IFI27L1: variants seen among roughly 807,000 people sequenced by gnomAD.
IFI27L1 encodes interferon alpha-inducible protein 27-like protein 1.
IFI27L1 carries 3 observed loss-of-function variants against 9.2 expected under a neutral mutation model. The ratio of observed to expected loss-of-function variants is 0.32; its 90% CI spans 0.15 to 0.84. The LOEUF is 0.84. Among genes scored for constraint, IFI27L1 ranks in the 40% least tolerant of loss-of-function variants. The pLI, the probability that IFI27L1 is intolerant of heterozygous loss-of-function variation, is 0.56. For missense variants in IFI27L1, 133 were observed against 134.2 expected (o/e 0.99, Z 0.05); for synonymous variants, 53 against 50.0 (o/e 1.06, Z -0.26).
chr14:94,100,450 G>A, intron 2 of IFI27L1: 1 of 985,310 alleles, frequency 1.0e-6, no homozygotes, highest in Non-Finnish European at 1.2e-6. Flanking sequence ...AACTCAGGAG[G>A]CCCAGGCATG....
chr14:94,093,464 C>T (rs1226005727), intron 1 of IFI27L1, among the ~76,000 whole-genome samples: 1 of 152,188 alleles, frequency 6.6e-6, no homozygotes, highest in East Asian at 1.9e-4. Context: ...AGCCACAACG[C>T]CCGGCCCTGA....
intron 1 of IFI27L1, among the ~76,000 whole-genome samples, chr14:94,082,878 A>G (rs1886156945): frequency 1.3e-5 from 2 of 152,252 alleles, no homozygotes. Flanking sequence ...TGTGAACACA[A>G]GATCCATTCT....
intron 1 of IFI27L1, among the ~76,000 whole-genome samples, chr14:94,093,413 C>T (rs8006762): frequency 0.22 from 32,853 of 151,886 alleles, 4,063 homozygotes; most frequent in East Asian, 0.43. Flanking sequence ...CCTCGTGATC[C>T]GCCCGCCTCA....
At chr14:94,091,202 G>T (rs1360908644) in intron 1 of IFI27L1, among the ~76,000 whole-genome samples, 1 of 152,098 alleles carries the variant, frequency 6.6e-6, no homozygotes. Context: ...GCTGATTAAG[G>T]GTCACCTTTT....
chr14:94,097,694 C>G (rs757605798), intron 2 of IFI27L1: 1 of 702,196 alleles, frequency 1.4e-6, no homozygotes, highest in South Asian at 1.5e-5. Context: ...TAAGCATTCA[C>G]GGATAGATTG....
intron 1 of IFI27L1, chr14:94,088,282 G>A (rs150313230): frequency 7.7e-5 from 54 of 702,312 alleles, no homozygotes; most frequent in African/African-American, 5.9e-4. Context: ...CATTTCTTAC[G>A]TTACTATGCG....
intron 3 of IFI27L1, 107 bp from the exon 4 acceptor site, chr14:94,101,707 T>C (rs1408674010): frequency 7.6e-6 from 9 of 1,184,784 alleles, no homozygotes; most frequent in Admixed American, 4.1e-5. Context: ...GCTCAGTCTT[T>C]CCTGAGAGCA....
chr14:94,101,675 C>G (rs1302348682), intron 3 of IFI27L1, 139 bp from the exon 4 acceptor site: 3 of 780,896 alleles, frequency 3.8e-6, no homozygotes, highest in Non-Finnish European at 6.1e-6. Flanking sequence ...GTTGACTGCC[C>G]TTGTTTTGGG....
chr14:94,091,292 C>T (rs748442845), intron 1 of IFI27L1, among the ~76,000 whole-genome samples: 2 of 152,186 alleles, frequency 1.3e-5, no homozygotes, highest in Non-Finnish European at 2.9e-5. Flanking sequence ...CCACAATTGG[C>T]TAGAAATTGT....
Position 94,086,186 on chromosome 14 carries a change from C to T in IFI27L1, c.-52+4737C>T, listed in dbSNP as rs1214583327. ...CTGGTGGTTTAAAAGTGTGTGGCGC[C>T]TCCCCTCAATTCTCTCTGACTCTTG... On this transcript the variant is annotated intron_variant, in intron 1 of 4. Coordinates refer to ENST00000555523, the MANE Select transcript of IFI27L1 (RefSeq NM_206949.3). Among the ~76,000 whole-genome samples, 3 of 152,114 alleles carry T rather than the reference C, an allele frequency of 2.0e-5. No individual in the cohort carries two copies. The East Asian group carries it at 5.8e-4, about 29-fold the overall frequency.
chr14:94,086,742 A>G (rs918726565), intron 1 of IFI27L1, among the ~76,000 whole-genome samples: 1 of 152,334 alleles, frequency 6.6e-6, no homozygotes, highest in South Asian at 2.1e-4. Context: ...AAAGTGAGCA[A>G]TGGCTAGAGC....
At chr14:94,081,647 A>G (rs1886110909) in intron 1 of IFI27L1, among the ~76,000 whole-genome samples, 198 bp downstream of exon 1, 1 of 152,198 alleles carries the variant, frequency 6.6e-6, no homozygotes, top group Admixed American at 6.5e-5. Flanking sequence ...GAACGCGTCC[A>G]TCCTAGGTAC....
At chr14:94,099,211 G>T (rs1482469779) in intron 2 of IFI27L1, among the ~76,000 whole-genome samples, 1 of 152,210 alleles carries the variant, frequency 6.6e-6, no homozygotes, top group Non-Finnish European at 1.5e-5. Flanking sequence ...CGCACAAGTG[G>T]GGAGGCACAC....
intron 2 of IFI27L1, among the ~76,000 whole-genome samples, chr14:94,099,594 G>T (rs1361661809): frequency 6.6e-6 from 1 of 152,166 alleles, no homozygotes; most frequent in African/African-American, 2.4e-5. Flanking sequence ...GCGTGGCCTT[G>T]CTGACTCCTG....
At position 94,101,886 on chromosome 14, in the gene IFI27L1, C is replaced by T; in HGVS notation, c.134C>T (p.Ser45Phe). Residue 45 changes from serine (S) to phenylalanine (F), a missense_variant, in exon 4 of 5, where the codon TCC becomes TTC. Physicochemically the swap from Ser to Phe is radical, Grantham distance 155. Coordinates refer to ENST00000555523, the MANE Select transcript of IFI27L1 (RefSeq NM_206949.3). The stretch of plus-strand genomic sequence containing the variant: ...ACCTCAGTAGGAATCGCCGCATCCT[C>T]CATAGCAGCCAAGATGATGTCTACA... ...GFTSVGIAASSIAAKMMSTAA... is the reference protein window; with the variant it reads ...GFTSVGIAASFIAAKMMSTAA... 6.2e-7 allele frequency: 1 copy of T among 1,614,258 alleles called. No homozygotes were observed. Among genetic ancestry groups the T allele is most frequent in the Non-Finnish European group, 8.5e-7 (1 of 1,180,040 alleles).
intron 2 of IFI27L1, among the ~76,000 whole-genome samples, chr14:94,098,008 C>T (rs951118721): frequency 2.6e-5 from 4 of 152,010 alleles, no homozygotes; most frequent in Non-Finnish European, 5.9e-5. Flanking sequence ...GAGGACGGAC[C>T]CTGGACACAC....
intron 1 of IFI27L1, among the ~76,000 whole-genome samples, chr14:94,089,812 A>G (rs1192375696): frequency 6.6e-6 from 1 of 152,156 alleles, no homozygotes; most frequent in African/African-American, 2.4e-5. Flanking sequence ...TAATTTCTTC[A>G]GACTGAATAG....
At chr14:94,091,130 A>G (rs1014067016) in intron 1 of IFI27L1, among the ~76,000 whole-genome samples, 5 of 152,200 alleles carry the variant, frequency 3.3e-5, no homozygotes, top group African/African-American at 1.2e-4. Context: ...GATTTTTTCT[A>G]ACATCACAAT....
intron 3 of IFI27L1, 139 bp from the exon 4 acceptor site, chr14:94,101,675 C>T: frequency 1.3e-6 from 1 of 781,014 alleles, no homozygotes; most frequent in Non-Finnish European, 2.0e-6. Context: ...GTTGACTGCC[C>T]TTGTTTTGGG....
Sources: allele counts gnomAD v4.1 joint callset (sites outside exome capture counted in the v4.1 genomes callset), GRCh38; gene constraint gnomAD v4.1.1; transcripts MANE v1.5; gene names NCBI Gene and HGNC (gene_info 2026-07-23, HGNC 2026-07-21).